The following KCNN2 variants were observed in gnomAD, a reference collection of about 807,000 sequenced individuals.
KCNN2 encodes the protein small conductance calcium-activated potassium channel protein 2.
A neutral mutation model predicts 55.5 loss-of-function variants in KCNN2; 24 were observed. The observed-to-expected ratio is 0.43, with a 90% confidence interval of 0.31 to 0.61. The LOEUF is 0.61. KCNN2 is among the 20% of genes least tolerant of loss of function. The pLI is 0.08. For synonymous variants in KCNN2, 431 were observed against 336.1 expected, an observed-to-expected ratio of 1.28 and a Z score of -3.09; for missense variants, 754 against 853.6, an observed-to-expected ratio of 0.88 and a Z score of 1.45.
chr5:114,178,069 C>T (rs1442920281), intron 1 of KCNN2, among the ~76,000 whole-genome samples: 1 of 152,088 alleles, frequency 6.6e-6, no homozygotes, highest in African/African-American at 2.4e-5. Flanking sequence ...TTTTTGTATT[C>T]TTCCTATTCA....
intron 2 of KCNN2, chr5:114,253,852 G>C (rs1028701779): frequency 1.3e-5 from 2 of 152,256 alleles, no homozygotes; most frequent in East Asian, 3.9e-4. Flanking sequence ...ATAGTTTCAT[G>C]GTTGTATTAG....
rs1466400280 is a variant in KCNN2 at position 114,292,959 on chromosome 5, A to C, written c.-184-67986A>C. 2.0e-5 allele frequency among the ~76,000 whole-genome samples: 3 copies of C among 152,216 alleles called. No homozygotes were observed. In the East Asian group the frequency reaches 5.8e-4, roughly 29 times the overall value. On this transcript the variant is annotated intron_variant, in intron 2 of 10. Transcript: ENST00000512097. ...TTTTATTTTCTTTGAAGCAATTGTG[A>C]ATGGGAGTTTACTCATGATTTGGCT...
At chr5:114,095,744 G>C (rs1225671800) in intron 1 of KCNN2, among the ~76,000 whole-genome samples, 1 of 152,070 alleles carries the variant, frequency 6.6e-6, no homozygotes, top group African/African-American at 2.4e-5. Context: ...TCTTTCCTAG[G>C]ATGGGACTCC....
intron 2 of KCNN2, among the ~76,000 whole-genome samples, chr5:114,399,162 T>C (rs1210370834): frequency 3.3e-5 from 5 of 152,216 alleles, no homozygotes; most frequent in Non-Finnish European, 4.4e-5. Context: ...CTTTTCAGCA[T>C]GATGTTGGCT....
intron 1 of KCNN2, among the ~76,000 whole-genome samples, chr5:114,192,932 A>G (rs904710477): frequency 6.6e-6 from 1 of 151,936 alleles, no homozygotes; most frequent in African/African-American, 2.4e-5. Flanking sequence ...ATCTCTTTTT[A>G]TTGCCAACTG....
chr5:114,160,099 G>A (rs1032716834), intron 1 of KCNN2, among the ~76,000 whole-genome samples: 4 of 152,092 alleles, frequency 2.6e-5, no homozygotes, highest in African/African-American at 7.2e-5. Context: ...TGATGTTAGG[G>A]TGTCAATTTT....
intron 1 of KCNN2, among the ~76,000 whole-genome samples, chr5:114,194,103 G>T (rs1292621575): frequency 6.6e-6 from 1 of 151,740 alleles, no homozygotes; most frequent in East Asian, 1.9e-4. Flanking sequence ...CTACTTTTTA[G>T]TTTGTATGAA....
intron 3 of KCNN2, among the ~76,000 whole-genome samples, chr5:114,456,403 A>G (rs1760930276): frequency 6.6e-6 from 1 of 152,212 alleles, no homozygotes. Context: ...CAAACAAACA[A>G]AAAAAGACTT....
Position 114,411,590 on chromosome 5 carries a change from C to T in KCNN2, c.1637+6734C>T, listed in dbSNP as rs574987583. On this transcript the variant is annotated intron_variant, in intron 3 of 7. Coordinates refer to ENST00000673685, the MANE Select transcript of KCNN2 (RefSeq NM_021614.4). The stretch of plus-strand genomic sequence containing the variant: ...TCCTAGAGTCCAAAGGCTGGAATGC[C>T]TGAAGTTCTGAGGCACAGGACAGGA... 2.0e-5 allele frequency among the ~76,000 whole-genome samples: 3 copies of T among 152,244 alleles called. No individual in the cohort carries two copies. In the East Asian group the frequency reaches 5.8e-4, roughly 30 times the overall value.
intron 2 of KCNN2, among the ~76,000 whole-genome samples, chr5:114,320,394 A>T (rs1298152630): frequency 6.6e-6 from 1 of 152,030 alleles, no homozygotes; most frequent in Non-Finnish European, 1.5e-5. Context: ...CGGGCGGATC[A>T]TGAGGTCAGG....
In KCNN2 at chr5:114,241,765, T is replaced by A. The variant is rs1443802677; in HGVS notation, c.-185+20200T>A. Among the ~76,000 whole-genome samples, 5 of 18,876 alleles carry A rather than the reference T, an allele frequency of 2.6e-4. 2 individuals carry two copies. The highest frequency in any genetic ancestry group is 4.7e-4 in the Non-Finnish European group (5 of 10,716). The allele number at this position is 18,876 out of a possible 152,430, so 12.4% of individuals were successfully genotyped here. Reference sequence around the variant, plus strand: ...ACGTATATATATGTATATATATACGTATATATATACATATATACGTATATA... The same window carrying A: ...ACGTATATATATGTATATATATACGAATATATATACATATATACGTATATA... On this transcript the variant is annotated intron_variant, in intron 2 of 10. Transcript: ENST00000512097.
chr5:114,295,487 A>T (rs1278231267), intron 2 of KCNN2, among the ~76,000 whole-genome samples: 5 of 152,124 alleles, frequency 3.3e-5, no homozygotes. Context: ...CTCCATGGGC[A>T]TGGGACCCTC....
intron 1 of KCNN2, among the ~76,000 whole-genome samples, chr5:114,069,272 C>G (rs180679208): frequency 2.2e-4 from 33 of 152,282 alleles, no homozygotes; most frequent in African/African-American, 7.5e-4. Flanking sequence ...GCTCTCCTTC[C>G]CTGCCTGACT....
intron 1 of KCNN2, among the ~76,000 whole-genome samples, chr5:114,213,651 G>A (rs866092266): frequency 6.6e-6 from 1 of 151,804 alleles, no homozygotes; most frequent in African/African-American, 2.4e-5. Flanking sequence ...TCCCAGCAAT[G>A]GCTAAGTCTG....
intron 1 of KCNN2, among the ~76,000 whole-genome samples, chr5:114,206,436 C>T (rs940307379): frequency 2.0e-5 from 3 of 152,142 alleles, no homozygotes; most frequent in South Asian, 2.1e-4. Context: ...TTTCTGTTAG[C>T]GACATCATCT....
chr5:114,086,027 T>A (rs1316045731), intron 1 of KCNN2, among the ~76,000 whole-genome samples: 1 of 152,154 alleles, frequency 6.6e-6, no homozygotes, highest in Non-Finnish European at 1.5e-5. Flanking sequence ...CTATTTTGTC[T>A]GATATTAGTA....
intron 5 of KCNN2, among the ~76,000 whole-genome samples, chr5:114,475,346 A>C (rs1430788565): frequency 6.6e-6 from 1 of 151,876 alleles, no homozygotes; most frequent in African/African-American, 2.4e-5. Flanking sequence ...TGACTTCTAC[A>C]CACTAGATGC....
At chr5:114,273,993 A>T (rs1321798190) in intron 2 of KCNN2, among the ~76,000 whole-genome samples, 1 of 152,194 alleles carries the variant, frequency 6.6e-6, no homozygotes, top group African/African-American at 2.4e-5. Context: ...TAAGTCTTTA[A>T]TCCATCTTGA....
Position 114,496,354 on chromosome 5 carries a change from T to C in KCNN2, c.*172T>C, listed in dbSNP as rs1272018943. On this transcript the variant is annotated 3_prime_UTR_variant, in exon 8 of 8. Transcript: ENST00000673685. ...CAAAATGAGTGAAAACTCTTTTTTT[T>C]TCTTTCAGATGCACAGGGAATGCAC... The C allele has an allele frequency of 2.0e-5, 13 of 639,052 alleles. No individual in the cohort carries two copies. The South Asian group carries it at 2.2e-4, about 11-fold the overall frequency. The allele number at this position is 639,052 out of a possible 1,614,324, so 39.6% of individuals were successfully genotyped here. A position where few individuals can be genotyped will look rare whatever the true frequency, so the allele number is the denominator to read the frequency against.
Sources: gnomAD v4.1 joint callset for allele counts (sites outside exome capture counted in the v4.1 genomes callset) on GRCh38, gnomAD v4.1.1 for gene constraint, MANE v1.5 for transcripts, NCBI Gene and HGNC (gene_info 2026-07-23, HGNC 2026-07-21) for gene names.